The following SUPT3H variants were observed in gnomAD, a reference collection of about 807,000 sequenced individuals.
SUPT3H encodes SPT3 homolog, SAGA and STAGA complex component.
A neutral mutation model predicts 44.3 loss-of-function variants in SUPT3H; 44 were observed. The ratio of observed to expected loss-of-function variants is 0.99; its 90% CI spans 0.78 to 1.28. The LOEUF (loss-of-function observed/expected upper bound fraction) is 1.28. Among genes scored for constraint, SUPT3H ranks in the 50% most tolerant of loss-of-function variants. The probability of loss-of-function intolerance (pLI) is 0.00; values close to 1 mark genes in which losing one functional copy is unlikely to be tolerated. For missense variants in SUPT3H, 380 were observed against 387.1 expected (o/e 0.98, Z 0.15); for synonymous variants, 124 against 125.6 (o/e 0.99, Z 0.09).
intron 2 of SUPT3H, among the ~76,000 whole-genome samples, chr6:45,148,859 A>G (rs1806493758): frequency 1.3e-5 from 2 of 152,112 alleles, no homozygotes; most frequent in South Asian, 4.1e-4. Context: ...TCATTGTGTA[A>G]TTCTGAAATG....
intron 7 of SUPT3H, among the ~76,000 whole-genome samples, chr6:44,957,046 T>C (rs908288143): frequency 6.6e-6 from 1 of 152,194 alleles, no homozygotes; most frequent in Non-Finnish European, 1.5e-5. Flanking sequence ...GGGACTTCAT[T>C]AGACATTATT....
intron 2 of SUPT3H, among the ~76,000 whole-genome samples, chr6:45,158,324 G>C (rs1808354331): frequency 9.5e-6 from 1 of 105,542 alleles, no homozygotes; most frequent in Non-Finnish European, 1.8e-5. Context: ...TTTTGAGATG[G>C]AGTCTCACTA....
At chr6:44,853,742 T>C (rs1773279215) in intron 10 of SUPT3H, among the ~76,000 whole-genome samples, 1 of 151,492 alleles carries the variant, frequency 6.6e-6, no homozygotes, top group Admixed American at 6.6e-5. Flanking sequence ...GGGCTTCTGG[T>C]GGGGGGAGTG....
At chr6:44,824,710 G>A (rs1470432455), downstream of SUPT3H, among the ~76,000 whole-genome samples, 2 of 152,182 alleles carry the variant, frequency 1.3e-5, no homozygotes, top group African/African-American at 4.8e-5. Flanking sequence ...TTTGAGATCA[G>A]CCTGGGCAAC....
intron 10 of SUPT3H, among the ~76,000 whole-genome samples, chr6:44,885,691 G>C (rs139957290): frequency 0.025 from 3,753 of 152,220 alleles, 169 homozygotes; most frequent in African/African-American, 0.085. Context: ...AAACTGGAAA[G>C]TCTAAAAAGC....
At position 45,212,479 on chromosome 6, in the gene SUPT3H, C is replaced by CTGTG. The variant is rs1484879670; in HGVS notation, c.102-106474_102-106473insCACA. Among the ~76,000 whole-genome samples the CTGTG allele has an allele frequency of 1.4e-3, 192 of 139,952 alleles. 4 individuals are homozygous for CTGTG. The highest frequency in any genetic ancestry group is 2.0e-3 in the Non-Finnish European group (123 of 62,376). 91.8% of individuals were successfully genotyped at this position (139,952 alleles called of 152,430 possible). On this transcript the variant is annotated intron_variant, in intron 2 of 10. Transcript: ENST00000371459. ...GTTCTGAAACTTCCCTCCACCTCCA[C>CTGTG]TATGTGTGTGTGTGTGTGTGTGTGT...
At chr6:44,928,995 T>G (rs960050921) in intron 10 of SUPT3H, among the ~76,000 whole-genome samples, 1 of 151,340 alleles carries the variant, frequency 6.6e-6, no homozygotes, top group Non-Finnish European at 1.5e-5. Flanking sequence ...GGTGTGTGTC[T>G]CCACAGCACA....
chr6:44,888,850 T>C (rs542601001), intron 10 of SUPT3H, among the ~76,000 whole-genome samples: 1 of 150,252 alleles, frequency 6.7e-6, no homozygotes, highest in Non-Finnish European at 1.5e-5. Flanking sequence ...ATGACATGAT[T>C]GTATATCTAG....
intron 9 of SUPT3H, among the ~76,000 whole-genome samples, chr6:44,937,418 C>T (rs934399394): frequency 6.6e-6 from 1 of 151,702 alleles, no homozygotes; most frequent in African/African-American, 2.4e-5. Flanking sequence ...CGCTTGAACC[C>T]GGGAGGTGGA....
At chr6:45,278,532 A>C (rs1777406275) in intron 2 of SUPT3H, among the ~76,000 whole-genome samples, 1 of 152,206 alleles carries the variant, frequency 6.6e-6, no homozygotes, top group South Asian at 2.1e-4. Flanking sequence ...CAAAATGGCA[A>C]ATGACTTCAT....
intron 9 of SUPT3H, among the ~76,000 whole-genome samples, chr6:44,937,963 G>A (rs1184787498): frequency 2.2e-5 from 3 of 134,662 alleles, no homozygotes; most frequent in Non-Finnish European, 4.6e-5. Flanking sequence ...AGGCTGGAGT[G>A]CAGTGGTGTA....
chr6:44,831,698 T>G (rs78572196), intron 10 of SUPT3H, among the ~76,000 whole-genome samples: 1 of 152,168 alleles, frequency 6.6e-6, no homozygotes, highest in Admixed American at 6.5e-5. Context: ...ACATACAGTG[T>G]TGAAGTGAGC....
In SUPT3H at chr6:45,283,134, C is replaced by A. The variant is rs111463659; in HGVS notation, c.101+82067G>T. ...CAGTACCAGCCACTGCAAAAACATG[C>A]CAAATTGTAAAGACCATCGAGGCTA... is the stretch of plus-strand genomic sequence containing the variant. On this transcript the variant is annotated intron_variant, in intron 2 of 10. Transcript: ENST00000371459. 1.1e-3 allele frequency among the ~76,000 whole-genome samples: 164 copies of A among 152,216 alleles called. 1 individual carries two copies. The East Asian group carries it at 0.022, about 20-fold the overall frequency.
chr6:45,258,376 G>C (rs972183915), intron 2 of SUPT3H, among the ~76,000 whole-genome samples: 3 of 152,238 alleles, frequency 2.0e-5, no homozygotes, highest in Middle Eastern at 3.4e-3. Flanking sequence ...TCAAACCATA[G>C]CAACCATAAT....
chr6:45,084,658 G>A (rs1035309180), intron 3 of SUPT3H, among the ~76,000 whole-genome samples: 4 of 152,044 alleles, frequency 2.6e-5, no homozygotes, highest in African/African-American at 9.7e-5. Flanking sequence ...AACCACACAT[G>A]CACTCATGTT....
chr6:45,180,844 C>T (rs1054466015), intron 2 of SUPT3H, among the ~76,000 whole-genome samples: 75 of 151,670 alleles, frequency 4.9e-4, no homozygotes, highest in African/African-American at 1.6e-3. Flanking sequence ...AAAGCAATGG[C>T]AACCAAAGCC....
chr6:45,048,221 CTTTTTTTT>C lies in SUPT3H; in HGVS notation c.187-27597_187-27590del, dbSNP rs67557043. Among the ~76,000 whole-genome samples the C allele has an allele frequency of 6.1e-4, 54 of 88,214 alleles. No homozygotes were observed. The East Asian group carries it at 0.01, about 17-fold the overall frequency. 57.9% of individuals were successfully genotyped at this position (88,214 alleles called of 152,430 possible). A position where few individuals can be genotyped will look rare whatever the true frequency, so the allele number is the denominator to read the frequency against. ...TCATTTTGTAAGTTGTCTCTCTACT[CTTTTTTTT>C]TTTTTTTTTTTTTTTTTGGCAGAGG... is the stretch of plus-strand genomic sequence containing the variant. On this transcript the variant is annotated intron_variant, in intron 3 of 10. Coordinates refer to ENST00000371459, the MANE Select transcript of SUPT3H (RefSeq NM_003599.4).
intron 10 of SUPT3H, among the ~76,000 whole-genome samples, chr6:44,927,308 T>C (rs537173978): frequency 1.6e-4 from 24 of 152,276 alleles, no homozygotes; most frequent in African/African-American, 5.1e-4. Flanking sequence ...ACAGTAGTTA[T>C]CTCTAGGATG....
chr6:45,147,316 A>G (rs530899864), intron 2 of SUPT3H, among the ~76,000 whole-genome samples: 1 of 152,232 alleles, frequency 6.6e-6, no homozygotes, highest in African/African-American at 2.4e-5. Context: ...ATAAAAGCTG[A>G]ACTAATTCAT....
Sources: allele counts gnomAD v4.1 joint callset (sites outside exome capture counted in the v4.1 genomes callset), GRCh38; gene constraint gnomAD v4.1.1; transcripts MANE v1.5; gene names NCBI Gene and HGNC (gene_info 2026-07-23, HGNC 2026-07-21).